Variants in TAFA1 observed in about 807,000 individuals in gnomAD.
TAFA1 encodes the protein TAFA chemokine like family member 1.
In TAFA1, 4 loss-of-function variants were observed where a neutral mutation model predicts 18.5. The observed-to-expected ratio is 0.22, with a 90% CI of 0.11 to 0.49. TAFA1 has a LOEUF of 0.49. Among genes scored for constraint, TAFA1 ranks in the 20% least tolerant of loss-of-function variants. TAFA1 has a pLI of 0.98. For synonymous variants in TAFA1, 56 were observed against 55.2 expected (o/e 1.01, Z -0.06); for missense variants, 147 against 169.0 (o/e 0.87, Z 0.72).
intron 2 of TAFA1, among the ~76,000 whole-genome samples, chr3:68,237,884 A>G: frequency 6.6e-6 from 1 of 152,220 alleles, no homozygotes; most frequent in East Asian, 1.9e-4. Flanking sequence ...AGAGAACTTT[A>G]CAAAATATCA....
chr3:68,413,336 G>A (rs1211565881), intron 2 of TAFA1, among the ~76,000 whole-genome samples: 1 of 151,956 alleles, frequency 6.6e-6, no homozygotes, highest in Non-Finnish European at 1.5e-5. Context: ...TGAAACATGG[G>A]CAAGTTTCTA....
At chr3:68,404,605 T>G (rs1270642233) in intron 2 of TAFA1, among the ~76,000 whole-genome samples, 1 of 152,052 alleles carries the variant, frequency 6.6e-6, no homozygotes, top group Non-Finnish European at 1.5e-5. Flanking sequence ...CAAGACAGCC[T>G]GGCCAACATA....
chr3:68,231,408 C>A (rs918639198), intron 2 of TAFA1, among the ~76,000 whole-genome samples: 2 of 127,398 alleles, frequency 1.6e-5, no homozygotes, highest in Non-Finnish European at 3.1e-5. Flanking sequence ...GGCCGGACTG[C>A]GGACTGCAGT....
At chr3:68,008,074 T>G (rs1334160056) in intron 2 of TAFA1, among the ~76,000 whole-genome samples, 2 of 152,158 alleles carry the variant, frequency 1.3e-5, no homozygotes, top group East Asian at 3.9e-4. Context: ...TGGGGGCTGT[T>G]TCTGGGCCCT....
At chr3:68,268,962 T>A (rs1440611522) in intron 2 of TAFA1, among the ~76,000 whole-genome samples, 1 of 152,142 alleles carries the variant, frequency 6.6e-6, no homozygotes, top group Non-Finnish European at 1.5e-5. Context: ...ATGTGGATAT[T>A]TCTTCCTTCA....
intron 2 of TAFA1, among the ~76,000 whole-genome samples, chr3:68,042,011 A>G (rs2106679912): frequency 6.6e-6 from 1 of 152,284 alleles, no homozygotes; most frequent in South Asian, 2.1e-4. Context: ...ATTTTGCATT[A>G]TTTGCCAATA....
At chr3:68,254,883 G>T (rs1182459501) in intron 2 of TAFA1, among the ~76,000 whole-genome samples, 1 of 152,082 alleles carries the variant, frequency 6.6e-6, no homozygotes, top group Non-Finnish European at 1.5e-5. Context: ...AACCCACAGT[G>T]CCAGCCTACA....
At chr3:68,012,198 C>T (rs891344970) in intron 2 of TAFA1, among the ~76,000 whole-genome samples, 6 of 152,130 alleles carry the variant, frequency 3.9e-5, no homozygotes, top group African/African-American at 1.2e-4. Flanking sequence ...GTAACATCTC[C>T]CAAGATGTAA....
At chr3:68,225,970 G>A (rs1048526282) in intron 2 of TAFA1, among the ~76,000 whole-genome samples, 1 of 152,198 alleles carries the variant, frequency 6.6e-6, no homozygotes, top group South Asian at 2.1e-4. Context: ...TTTATAGCCT[G>A]TAGTTGAGAC....
intron 3 of TAFA1, among the ~76,000 whole-genome samples, chr3:68,535,321 T>C (rs2073259722): frequency 6.6e-6 from 1 of 151,742 alleles, no homozygotes; most frequent in Non-Finnish European, 1.5e-5. Context: ...CTTTTACCCA[T>C]GACAAGAATC....
chr3:68,380,603 T>G (rs1197298690), intron 2 of TAFA1, among the ~76,000 whole-genome samples: 5 of 152,218 alleles, frequency 3.3e-5, no homozygotes, highest in Non-Finnish European at 5.9e-5. Flanking sequence ...TTCGCCCACT[T>G]TTTGATAGGG....
At chr3:68,024,805 G>GCACACACACACACACACACA (rs3037727) in intron 2 of TAFA1, among the ~76,000 whole-genome samples, 173 of 73,638 alleles carry the variant, frequency 2.3e-3, no homozygotes, top group South Asian at 6.6e-3. Context: ...TCTCCTTAAT[G>GCACACACACACACACACACA]CACACACACA....
At chr3:68,085,022 A>G (rs577862752) in intron 2 of TAFA1, among the ~76,000 whole-genome samples, 27 of 152,174 alleles carry the variant, frequency 1.8e-4, no homozygotes, top group Non-Finnish European at 2.9e-4. Context: ...TTATCCATGC[A>G]TCAGTAGCAC....
intron 2 of TAFA1, among the ~76,000 whole-genome samples, chr3:68,241,804 G>A (rs942580576): frequency 3.3e-5 from 5 of 151,996 alleles, no homozygotes; most frequent in South Asian, 2.1e-4. Context: ...TTTTTCATCC[G>A]CCATGGATGA....
At chr3:68,290,289 G>A (rs2068083836) in intron 2 of TAFA1, among the ~76,000 whole-genome samples, 1 of 152,068 alleles carries the variant, frequency 6.6e-6, no homozygotes, top group Non-Finnish European at 1.5e-5. Context: ...ATGTTCTATG[G>A]AACAATCTTT....
At chr3:68,027,060 CA>C (rs1704832246) in intron 2 of TAFA1, among the ~76,000 whole-genome samples, 1 of 151,918 alleles carries the variant, frequency 6.6e-6, no homozygotes, top group African/African-American at 2.4e-5. Flanking sequence ...AACTGAGTAT[CA>C]TGACGATGGT....
intron 3 of TAFA1, among the ~76,000 whole-genome samples, chr3:68,479,809 G>T (rs768386401): frequency 5.9e-5 from 9 of 151,944 alleles, no homozygotes; most frequent in Non-Finnish European, 4.4e-5. Flanking sequence ...GTAATGGATG[G>T]TTCATAGGCC....
At chr3:68,271,674 G>A (rs762163849) in intron 2 of TAFA1, among the ~76,000 whole-genome samples, 1 of 152,074 alleles carries the variant, frequency 6.6e-6, no homozygotes, top group South Asian at 2.1e-4. Context: ...AGGTGTTTGT[G>A]TCGAATACCC....
intron 3 of TAFA1, among the ~76,000 whole-genome samples, chr3:68,444,247 G>T (rs1287395179): frequency 1.3e-5 from 2 of 152,138 alleles, no homozygotes; most frequent in Non-Finnish European, 2.9e-5. Flanking sequence ...AAAAATCAGT[G>T]CTAGTCTTTT....
Sources: gnomAD v4.1 joint callset for allele counts (sites outside exome capture counted in the v4.1 genomes callset) on GRCh38, gnomAD v4.1.1 for gene constraint, MANE v1.5 for transcripts, NCBI Gene and HGNC (gene_info 2026-07-23, HGNC 2026-07-21) for gene names.